ZNF609: variants seen among roughly 807,000 people sequenced by gnomAD.
The protein encoded by ZNF609 is zinc finger protein 609.
Under a neutral mutation model 109.5 loss-of-function variants are expected in ZNF609, and 11 were observed. That is an observed-to-expected ratio of 0.10 (90% CI 0.06 to 0.17). The LOEUF (loss-of-function observed/expected upper bound fraction) is 0.17. ZNF609 is among the 10% of genes least tolerant of loss of function. ZNF609 has a pLI of 1.00. For synonymous variants in ZNF609, 646 were observed against 662.0 expected (o/e 0.98, Z 0.37); for missense variants, 1,559 against 1,772.4 (o/e 0.88, Z 2.16).
At chr15:64,658,474 G>A (rs1391120541) in intron 3 of ZNF609, among the ~76,000 whole-genome samples, 1 of 151,934 alleles carries the variant, frequency 6.6e-6, no homozygotes, top group Non-Finnish European at 1.5e-5. Context: ...TGGGATTACA[G>A]GTGTGAGCCA....
intron 3 of ZNF609, among the ~76,000 whole-genome samples, chr15:64,650,282 C>T (rs1896396192): frequency 6.6e-6 from 1 of 151,134 alleles, no homozygotes; most frequent in Non-Finnish European, 1.5e-5. Context: ...CCAGGCATGG[C>T]AGCATGCACC....
chr15:64,477,432 G>A (rs750756542), intron 1 of ZNF609, among the ~76,000 whole-genome samples: 3 of 151,878 alleles, frequency 2.0e-5, no homozygotes, highest in African/African-American at 4.8e-5. Flanking sequence ...GAGCCACCAC[G>A]CCTGGCCTGC....
intron 2 of ZNF609, among the ~76,000 whole-genome samples, chr15:64,584,919 G>A (rs1321701963): frequency 6.7e-6 from 1 of 149,846 alleles, no homozygotes; most frequent in Non-Finnish European, 1.5e-5. Flanking sequence ...GAGCCACCAC[G>A]CCTGCCTGCT....
intron 2 of ZNF609, among the ~76,000 whole-genome samples, chr15:64,529,880 G>A (rs948684788): frequency 8.5e-5 from 13 of 152,062 alleles, no homozygotes; most frequent in East Asian, 1.9e-4. Flanking sequence ...ACAGGCATGC[G>A]TCACCACGCC....
chr15:64,580,911 A>G (rs1895090084), intron 2 of ZNF609, among the ~76,000 whole-genome samples: 1 of 145,392 alleles, frequency 6.9e-6, no homozygotes, highest in Admixed American at 6.8e-5. Context: ...ATAGAATTAA[A>G]TACTCAGCAG....
intron 2 of ZNF609, among the ~76,000 whole-genome samples, chr15:64,580,556 C>CTTTTCTT (rs141447265): frequency 6.9e-6 from 1 of 144,240 alleles, no homozygotes; most frequent in Non-Finnish European, 1.5e-5. Context: ...CTTTTCTTTT[C>CTTTTCTT]TTTTTTTTTT....
chr15:64,556,305 A>AT (rs1240523631), intron 2 of ZNF609, among the ~76,000 whole-genome samples: 1 of 151,220 alleles, frequency 6.6e-6, no homozygotes, highest in Admixed American at 6.6e-5. Context: ...TAATTTTAAA[A>AT]TTTTTTTATA....
chr15:64,684,182 C>G lies in ZNF609; in HGVS notation c.*2496C>G, dbSNP rs1215375883. On this transcript the variant is annotated 3_prime_UTR_variant, in exon 10 of 10. Transcript: ENST00000326648. ...GCTGAGTGAAAGATTTGCTGCCCAC[C>G]TCTACATGGGGAGGAGAAACACAGG... 1 of 152,220 alleles carries G rather than the reference C, an allele frequency of 6.6e-6. No individual in the cohort carries two copies. Among genetic ancestry groups the G allele is most frequent in the African/African-American group, 2.4e-5 (1 of 41,430 alleles). The allele number at this position is 152,220 out of a possible 1,614,324, so 9.4% of individuals were successfully genotyped here.
At chr15:64,472,111 C>A (rs1462462322) in intron 1 of ZNF609, among the ~76,000 whole-genome samples, 1 of 151,708 alleles carries the variant, frequency 6.6e-6, no homozygotes, top group African/African-American at 2.4e-5. Context: ...GGGGTTTCCC[C>A]ATGTTGGTCA....
intron 2 of ZNF609, among the ~76,000 whole-genome samples, chr15:64,516,161 C>G (rs1399428497): frequency 6.6e-6 from 1 of 152,122 alleles, no homozygotes; most frequent in East Asian, 1.9e-4. Flanking sequence ...TCTTATTGTT[C>G]TTATTCCTTA....
chr15:64,628,919 C>T (rs1477886495), intron 3 of ZNF609, among the ~76,000 whole-genome samples: 2 of 152,036 alleles, frequency 1.3e-5, no homozygotes, highest in Non-Finnish European at 2.9e-5. Context: ...GCCACCATGC[C>T]TGGCCCCTGC....
chr15:64,545,768 A>G (rs1894348854), intron 2 of ZNF609, among the ~76,000 whole-genome samples: 1 of 152,182 alleles, frequency 6.6e-6, no homozygotes, highest in Admixed American at 6.5e-5. Context: ...TACAGTGAGT[A>G]CTTTTTTGTG....
At chr15:64,604,307 C>G (rs1221739375) in intron 2 of ZNF609, among the ~76,000 whole-genome samples, 3 of 152,218 alleles carry the variant, frequency 2.0e-5, no homozygotes, top group African/African-American at 7.2e-5. Context: ...TACTTCCTCT[C>G]TCTCCCCTTT....
Position 64,493,450 on chromosome 15 carries a change from T to C in ZNF609, c.-127-5843T>C, listed in dbSNP as rs189714773. ...GTGGGCTGGGAGTCAAAGAGATGGA[T>C]GTTATTATGATATGTTTTTTAAGCA... On this transcript the variant is annotated intron_variant, in intron 1 of 9. Coordinates refer to ENST00000326648, the MANE Select transcript of ZNF609 (RefSeq NM_015042.2). 2.0e-5 allele frequency among the ~76,000 whole-genome samples: 3 copies of C among 152,294 alleles called. No individual in the cohort carries two copies. The East Asian group carries it at 5.8e-4, about 29-fold the overall frequency.
rs557166635 is a variant in ZNF609 at position 64,489,632 on chromosome 15, C to T, written c.-127-9661C>T. 9.4e-5 allele frequency among the ~76,000 whole-genome samples: 14 copies of T among 148,860 alleles called. 1 individual carries two copies. The South Asian group carries it at 1.5e-3, about 16-fold the overall frequency. ...GCAACTTCTGCCTCCTGGATTCAAG[C>T]GATTCTCCTGCCTCAGCCTCCCAAG... On this transcript the variant is annotated intron_variant, in intron 1 of 9. Transcript: ENST00000326648.
chr15:64,489,995 G>C (rs1355177425), intron 1 of ZNF609, among the ~76,000 whole-genome samples: 1 of 152,108 alleles, frequency 6.6e-6, no homozygotes, highest in Non-Finnish European at 1.5e-5. Context: ...ACCTCGCTCT[G>C]TCACCCAGGC....
intron 2 of ZNF609, among the ~76,000 whole-genome samples, chr15:64,505,485 A>G (rs1442496559): frequency 6.6e-6 from 1 of 152,232 alleles, no homozygotes; most frequent in East Asian, 1.9e-4. Flanking sequence ...AATTGAATGC[A>G]TTTTAGATAC....
chr15:64,499,464 A>G lies in ZNF609; in HGVS notation c.45A>G (p.Ala15=). The G allele has an allele frequency of 6.2e-7, 1 of 1,614,084 alleles. No individual in the cohort carries two copies. Among genetic ancestry groups the G allele is most frequent in the Non-Finnish European group, 8.5e-7 (1 of 1,180,026 alleles). ...CCTCCGGAGGGAAAGGAGTGGATGC[A>G]AACCCGGTTGAGACATACGACAGTG... ...SGASGGKGVD[A]NPVETYDSGD... Residue 15 remains alanine (A), a synonymous_variant, in exon 2 of 10, where the codon GCA becomes GCG. Transcript: ENST00000326648.
intron 1 of ZNF609, among the ~76,000 whole-genome samples, chr15:64,475,680 C>T (rs1195218897): frequency 2.0e-5 from 3 of 152,056 alleles, no homozygotes; most frequent in Admixed American, 1.3e-4. Context: ...CATGAGCCAC[C>T]GCGCCCAGCC....
Sources: allele counts gnomAD v4.1 joint callset (sites outside exome capture counted in the v4.1 genomes callset), GRCh38; gene constraint gnomAD v4.1.1; transcripts MANE v1.5; gene names NCBI Gene and HGNC (gene_info 2026-07-23, HGNC 2026-07-21).